Variants in ABCC1 observed in about 807,000 individuals in gnomAD.
The protein encoded by ABCC1 is ATP binding cassette subfamily C member 1 (ABCC1 blood group).
In ABCC1, 83 loss-of-function variants were observed where a neutral mutation model predicts 172.9. The ratio of observed to expected loss-of-function variants is 0.48; its 90% confidence interval spans 0.40 to 0.58. The LOEUF (loss-of-function observed/expected upper bound fraction) is 0.58, where lower values mean the gene tolerates loss of function less well. Among genes scored for constraint, ABCC1 ranks in the 20% least tolerant of loss-of-function variants. The pLI is 0.00. For missense variants in ABCC1, 1,817 were observed against 2,002.7 expected (o/e 0.91, Z 1.77); for synonymous variants, 937 against 825.2 (o/e 1.14, Z -2.32).
chr16:16,103,934 T>C (rs1289947038), intron 20 of ABCC1, among the ~76,000 whole-genome samples: 1 of 152,162 alleles, frequency 6.6e-6, no homozygotes, highest in Non-Finnish European at 1.5e-5. Context: ...CTTCTGCTGT[T>C]CGGATGTGTT....
chr16:15,990,732 C>T (rs988951174), intron 1 of ABCC1, among the ~76,000 whole-genome samples: 1 of 151,836 alleles, frequency 6.6e-6, no homozygotes, highest in African/African-American at 2.4e-5. Flanking sequence ...TCACTGCAAG[C>T]TCCGCCTCCT....
chr16:16,116,618 A>G (rs1009552885), intron 23 of ABCC1, among the ~76,000 whole-genome samples: 3 of 151,804 alleles, frequency 2.0e-5, no homozygotes, highest in African/African-American at 7.3e-5. Flanking sequence ...GCTGGAGTGC[A>G]GTGATGGAAT....
At chr16:16,082,215 TC>T (rs1464615750) in intron 16 of ABCC1, among the ~76,000 whole-genome samples, 9 of 152,214 alleles carry the variant, frequency 5.9e-5, no homozygotes, top group African/African-American at 9.6e-5. Flanking sequence ...CATGTGCTGT[TC>T]CCTCGGACTT....
intron 19 of ABCC1, among the ~76,000 whole-genome samples, chr16:16,100,736 C>A (rs576911305): frequency 6.6e-6 from 1 of 152,256 alleles, no homozygotes; most frequent in East Asian, 1.9e-4. Flanking sequence ...CATCACTGAA[C>A]ACTTGCTGTG....
rs544482107 is a variant in ABCC1, at chr16:16,009,828, T to C, written c.278T>C (p.Phe93Ser). The stretch of plus-strand genomic sequence containing the variant: ...TGCTGGGCAGACCTCTTCTACTCTT[T>C]CTGGGAAAGAAGTCGGGGCATATTC... ...IVCWADLFYSFWERSRGIFLA... is the reference protein window; with the variant it reads ...IVCWADLFYSSWERSRGIFLA... The change falls in exon 3 of 31, where the codon TTC becomes TCC. Residue 93 changes from phenylalanine (F) to serine (S), a missense_variant. Transcript: ENST00000399410. 1 of 1,611,996 alleles carries C rather than the reference T, an allele frequency of 6.2e-7. No individual in the cohort carries two copies. The highest frequency in any genetic ancestry group is 1.7e-5 in the Admixed American group (1 of 59,640).
At chr16:15,951,824 G>C (rs1393189692) in intron 1 of ABCC1, among the ~76,000 whole-genome samples, 2 of 152,046 alleles carry the variant, frequency 1.3e-5, no homozygotes, top group Non-Finnish European at 2.9e-5. Flanking sequence ...CAAGTACCTG[G>C]GACTATAGGC....
intron 3 of ABCC1, among the ~76,000 whole-genome samples, chr16:16,011,782 G>A (rs181608490): frequency 2.3e-3 from 346 of 152,216 alleles, no homozygotes; most frequent in Admixed American, 4.4e-3. Context: ...CGATTCTCCT[G>A]CCTCAGCCTC....
intron 1 of ABCC1, among the ~76,000 whole-genome samples, chr16:16,002,634 T>C (rs1380977290): frequency 2.6e-5 from 4 of 152,008 alleles, no homozygotes; most frequent in Non-Finnish European, 4.4e-5. Flanking sequence ...TAGCTGGGCA[T>C]GGTGGTGTGT....
At chr16:16,047,548 A>G (rs1171086152) in intron 9 of ABCC1, among the ~76,000 whole-genome samples, 2 of 152,090 alleles carry the variant, frequency 1.3e-5, no homozygotes, top group Admixed American at 1.3e-4. Context: ...ACGTTTGGCA[A>G]TATCTGGGGG....
At chr16:16,100,292 C>A (rs1279076395) in intron 19 of ABCC1, among the ~76,000 whole-genome samples, 1 of 152,134 alleles carries the variant, frequency 6.6e-6, no homozygotes, top group Non-Finnish European at 1.5e-5. Flanking sequence ...ATGGTGGCTG[C>A]GCTCAGTGAC....
At chr16:16,009,381 C>T (rs575656622) in intron 2 of ABCC1, among the ~76,000 whole-genome samples, 1 of 152,242 alleles carries the variant, frequency 6.6e-6, no homozygotes, top group African/African-American at 2.4e-5. Context: ...AAACATATCC[C>T]ACCCGTAGAG....
chr16:16,123,334 A>C lies in ABCC1; in HGVS notation c.3590+1160A>C, dbSNP rs143558148. 2.0e-3 allele frequency among the ~76,000 whole-genome samples: 301 copies of C among 152,278 alleles called. 1 individual carries two copies. The highest frequency in any genetic ancestry group is 6.8e-3 in the Middle Eastern group (2 of 294). On this transcript the variant is annotated intron_variant, in intron 24 of 30. Transcript: ENST00000399410. The stretch of plus-strand genomic sequence containing the variant: ...TGCTATATGATATCATACGAAGCCT[A>C]GCTTTAAACAAATAAGATGGCCAGG...
intron 5 of ABCC1, among the ~76,000 whole-genome samples, chr16:16,026,122 C>A (rs546039718): frequency 6.6e-6 from 1 of 152,192 alleles, no homozygotes; most frequent in African/African-American, 2.4e-5. Context: ...CAAGTAAGGC[C>A]TTCCACGTCA....
At chr16:16,077,902 A>G (rs984819962) in intron 15 of ABCC1, among the ~76,000 whole-genome samples, 1 of 152,358 alleles carries the variant, frequency 6.6e-6, no homozygotes, top group Non-Finnish European at 1.5e-5. Flanking sequence ...GCATGCCTGT[A>G]ATCCCAGCAC....
intron 1 of ABCC1, among the ~76,000 whole-genome samples, chr16:15,983,139 G>A (rs1023825341): frequency 6.6e-6 from 1 of 152,128 alleles, no homozygotes; most frequent in African/African-American, 2.4e-5. Context: ...TGAGAAAGGG[G>A]TGGGGAGATA....
rs116038721 is a variant in ABCC1, at chr16:15,975,979, A to G, written c.48+26180A>G. ...GAGAGAAAGAGACACTTAGAACTCA[A>G]CAGAGGCCAGACGCGGTGGCTTACG... On this transcript the variant is annotated intron_variant, in intron 1 of 30. Coordinates refer to ENST00000399410, the MANE Select transcript of ABCC1 (RefSeq NM_004996.4). 1.9e-3 allele frequency among the ~76,000 whole-genome samples: 295 copies of G among 152,248 alleles called. 1 individual carries two copies. The highest frequency in any genetic ancestry group is 7.0e-3 in the African/African-American group (292 of 41,574).
At chr16:16,026,305 C>T (rs2048365583) in intron 5 of ABCC1, among the ~76,000 whole-genome samples, 1 of 151,536 alleles carries the variant, frequency 6.6e-6, no homozygotes. Context: ...TGGTGGTGTG[C>T]ACCATGTAAT....
intron 23 of ABCC1, among the ~76,000 whole-genome samples, chr16:16,120,818 A>G (rs987406000): frequency 3.3e-5 from 5 of 152,026 alleles, no homozygotes; most frequent in African/African-American, 1.2e-4. Flanking sequence ...GGGGGTGACG[A>G]GATTGACCCT....
intron 1 of ABCC1, among the ~76,000 whole-genome samples, chr16:15,975,379 C>T (rs546484834): frequency 6.6e-6 from 1 of 152,130 alleles, no homozygotes; most frequent in African/African-American, 2.4e-5. Context: ...CCAGCTTGTA[C>T]ACGTTGTTCC....
Sources: allele counts gnomAD v4.1 joint callset (sites outside exome capture counted in the v4.1 genomes callset), GRCh38; gene constraint gnomAD v4.1.1; transcripts MANE v1.5; gene names NCBI Gene and HGNC (gene_info 2026-07-23, HGNC 2026-07-21).